ANKS1B: variants seen among roughly 807,000 people sequenced by gnomAD.
ANKS1B encodes the protein ankyrin repeat and sterile alpha motif domain-containing protein 1B.
Under a neutral mutation model 148.3 loss-of-function variants are expected in ANKS1B, and 36 were observed. That is an observed-to-expected ratio of 0.24 (90% CI 0.19 to 0.32). The LOEUF (loss-of-function observed/expected upper bound fraction) is 0.32. ANKS1B is among the 10% of genes least tolerant of loss of function. ANKS1B has a pLI of 1.00. For missense variants in ANKS1B, 1,157 were observed against 1,542.6 expected, an observed-to-expected ratio of 0.75 and a Z score of 4.19; for synonymous variants, 542 against 560.8, an observed-to-expected ratio of 0.97 and a Z score of 0.47.
In ANKS1B at chr12:99,896,105, A is replaced by G. The variant is rs147745653; in HGVS notation, c.135-70716T>C. ...TGTATGTGTGTGGTACAAGTACCTA[A>G]AATCTACTCTCTTAGCACATTTCCA... On this transcript the variant is annotated intron_variant, in intron 1 of 26. Transcript: ENST00000683438. Among the ~76,000 whole-genome samples, 377 of 151,378 alleles carry G rather than the reference A, an allele frequency of 2.5e-3. 4 individuals carry two copies. The highest frequency in any genetic ancestry group is 8.6e-3 in the African/African-American group (357 of 41,454).
chr12:99,338,433 C>T (rs1490971355), intron 12 of ANKS1B, among the ~76,000 whole-genome samples: 3 of 152,116 alleles, frequency 2.0e-5, no homozygotes. Context: ...GTGGGCTCCC[C>T]TCTGGCCCAG....
chr12:99,843,303 T>C (rs1328919255), intron 1 of ANKS1B, among the ~76,000 whole-genome samples: 1 of 152,120 alleles, frequency 6.6e-6, no homozygotes, highest in African/African-American at 2.4e-5. Flanking sequence ...GTATTATTTT[T>C]CTCTCCTTGG....
At chr12:98,968,040 G>T (rs2099880038) in intron 17 of ANKS1B, among the ~76,000 whole-genome samples, 1 of 152,124 alleles carries the variant, frequency 6.6e-6, no homozygotes, top group Admixed American at 6.5e-5. Flanking sequence ...AGCTCATGGT[G>T]GAAGACAGGG....
rs754062973 is a variant in ANKS1B at position 99,244,450 on chromosome 12, C to T, written c.2347-36G>A. The T allele has an allele frequency of 3.3e-5, 45 of 1,368,082 alleles. No homozygotes were observed. The East Asian group carries it at 4.7e-4, about 14-fold the overall frequency. 84.7% of individuals were successfully genotyped at this position (1,368,082 alleles called of 1,614,324 possible). Reference sequence around the variant, plus strand: ...CAAAAACCATTTAAATGGATTGTTACATTCACTTTTAACATTGTATTTTAA... The same window carrying T: ...CAAAAACCATTTAAATGGATTGTTATATTCACTTTTAACATTGTATTTTAA... On this transcript the variant is annotated intron_variant, in intron 13 of 26. Transcript: ENST00000683438.
chr12:99,008,536 C>A (rs1275104200), intron 17 of ANKS1B, among the ~76,000 whole-genome samples: 3 of 152,144 alleles, frequency 2.0e-5, no homozygotes, highest in African/African-American at 7.2e-5. Context: ...GAAAAGACTT[C>A]TACAACCCAG....
intron 12 of ANKS1B, among the ~76,000 whole-genome samples, chr12:99,295,238 T>C (rs554990641): frequency 8.5e-5 from 13 of 152,320 alleles, no homozygotes; most frequent in African/African-American, 3.1e-4. Flanking sequence ...TAACACTTGG[T>C]ATGATCAGCT....
intron 11 of ANKS1B, among the ~76,000 whole-genome samples, chr12:99,416,076 T>G (rs756781579): frequency 2.6e-5 from 4 of 152,178 alleles, no homozygotes; most frequent in African/African-American, 7.2e-5. Context: ...GTTCTACAAT[T>G]TTGTCACATT....
intron 8 of ANKS1B, among the ~76,000 whole-genome samples, chr12:99,756,566 A>G (rs1355135322): frequency 6.6e-6 from 1 of 152,022 alleles, no homozygotes; most frequent in African/African-American, 2.4e-5. Context: ...CAAGAACTAG[A>G]AAAAAACTAC....
intron 17 of ANKS1B, among the ~76,000 whole-genome samples, chr12:98,851,300 T>C (rs2099524071): frequency 6.6e-6 from 1 of 152,046 alleles, no homozygotes; most frequent in African/African-American, 2.4e-5. Context: ...TTCAGAGTGG[T>C]GTGAAAAGTA....
rs207473292 is a variant in ANKS1B at position 99,114,726 on chromosome 12, T to G, written c.2527-29703A>C. ...GAGACCGTACCACTGTACTCCAGCC[T>G]TGGTGACAGAGCGAGACTCTGTCTC... is the stretch of plus-strand genomic sequence containing the variant. On this transcript the variant is annotated intron_variant, in intron 15 of 26. Transcript: ENST00000683438. Among the ~76,000 whole-genome samples, 4 of 152,192 alleles carry G rather than the reference T, an allele frequency of 2.6e-5. No homozygotes were observed. In the South Asian group the frequency reaches 8.3e-4, roughly 32 times the overall value.
intron 17 of ANKS1B, among the ~76,000 whole-genome samples, chr12:99,014,437 C>T (rs1209565930): frequency 1.3e-5 from 2 of 152,140 alleles, no homozygotes; most frequent in Non-Finnish European, 2.9e-5. Context: ...ACAACCTAGG[C>T]AATACCATTC....
chr12:99,756,375 CT>C (rs1229954611), intron 8 of ANKS1B, among the ~76,000 whole-genome samples: 4 of 151,962 alleles, frequency 2.6e-5, no homozygotes, highest in Non-Finnish European at 4.4e-5. Flanking sequence ...ATACAGCTAA[CT>C]AGGGAGGTAA....
At chr12:99,960,369 T>C (rs114272490) in intron 1 of ANKS1B, among the ~76,000 whole-genome samples, 10,180 of 152,268 alleles carry the variant, frequency 0.067, 402 homozygotes, top group Non-Finnish European at 0.081. Context: ...CCACATAAAT[T>C]ACTCTGAGAA....
intron 17 of ANKS1B, among the ~76,000 whole-genome samples, chr12:98,916,609 G>C (rs1293119342): frequency 6.6e-6 from 1 of 152,266 alleles, no homozygotes; most frequent in Non-Finnish European, 1.5e-5. Context: ...AGAGCCATCA[G>C]AGATGATATT....
At chr12:99,268,165 G>A (rs182455203) in intron 12 of ANKS1B, among the ~76,000 whole-genome samples, 86 of 152,220 alleles carry the variant, frequency 5.6e-4, no homozygotes, top group Middle Eastern at 3.4e-3. Flanking sequence ...GTTTTTGAAA[G>A]CCATCTATAT....
At chr12:99,690,082 A>G (rs2098670863) in intron 8 of ANKS1B, among the ~76,000 whole-genome samples, 2 of 152,210 alleles carry the variant, frequency 1.3e-5, no homozygotes, top group African/African-American at 4.8e-5. Flanking sequence ...ACAGGGCGGC[A>G]GGACAGAGTG....
intron 8 of ANKS1B, among the ~76,000 whole-genome samples, chr12:99,753,750 G>T (rs577498992): frequency 6.6e-6 from 1 of 152,112 alleles, no homozygotes; most frequent in East Asian, 1.9e-4. Context: ...GGGTGGGCAC[G>T]GTGGCTCACA....
chr12:99,067,954 G>A (rs1043791823), intron 16 of ANKS1B, among the ~76,000 whole-genome samples: 26 of 151,996 alleles, frequency 1.7e-4, no homozygotes, highest in Non-Finnish European at 3.1e-4. Flanking sequence ...AGACAATGGA[G>A]TGACTAAGAA....
intron 17 of ANKS1B, among the ~76,000 whole-genome samples, chr12:99,031,442 C>G (rs1466377272): frequency 1.3e-5 from 2 of 152,176 alleles, no homozygotes; most frequent in African/African-American, 4.8e-5. Context: ...TTGTTTTCTC[C>G]TGCAGAGCCT....
Sources: gnomAD v4.1 joint callset for allele counts (sites outside exome capture counted in the v4.1 genomes callset) on GRCh38, gnomAD v4.1.1 for gene constraint, MANE v1.5 for transcripts, NCBI Gene and HGNC (gene_info 2026-07-23, HGNC 2026-07-21) for gene names.